The following CCDC158 variants were observed in gnomAD, a reference collection of about 807,000 sequenced individuals.
CCDC158 encodes coiled-coil domain containing 158.
In CCDC158, 116 loss-of-function variants were observed where a neutral mutation model predicts 138.6. The observed-to-expected ratio is 0.84, with a 90% CI of 0.72 to 0.98. CCDC158 has a LOEUF of 0.98. Ranked by LOEUF, CCDC158 falls within the 50% of genes least tolerant of loss-of-function variation. CCDC158 has a pLI of 0.00. For missense variants in CCDC158, 1,265 were observed against 1,306.1 expected (o/e 0.97, Z 0.48); for synonymous variants, 436 against 442.4 (o/e 0.99, Z 0.18).
At position 76,367,693 on chromosome 4, in the gene CCDC158, C is replaced by T. The variant is rs1244023863; in HGVS notation, c.1431G>A (p.Leu477=). 4 of 1,614,126 alleles carry T rather than the reference C, an allele frequency of 2.5e-6. No homozygotes were observed. The highest frequency in any genetic ancestry group is 1.1e-5 in the South Asian group (1 of 91,090). ...TAQLESTKEM[L]RKVVEELTAK... is the part of the protein sequence containing the mutation. ...CTGTCAACTCTTCTACTACTTTGCG[C>T]AGCATCTCTTTGGTGGATTCAAGCT... is the stretch of plus-strand genomic sequence containing the variant. Residue 477 remains leucine (L), a synonymous_variant, in exon 12 of 25, where the codon CTG becomes CTA. Transcript: ENST00000682701.
At chr4:76,351,293 A>G (rs1723015460) in intron 17 of CCDC158, among the ~76,000 whole-genome samples, 172 bp from the exon 18 acceptor site, 1 of 139,306 alleles carries the variant, frequency 7.2e-6, no homozygotes, top group African/African-American at 2.5e-5. Flanking sequence ...TCAGTGTAAA[A>G]TGTACGATTT....
At chr4:76,343,763 T>C (rs570149600) in intron 18 of CCDC158, among the ~76,000 whole-genome samples, 3 of 152,086 alleles carry the variant, frequency 2.0e-5, no homozygotes, top group Non-Finnish European at 4.4e-5. Context: ...ATCATGCAAC[T>C]GCACTCCAGC....
chr4:76,414,389 A>G (rs1006986654), intron 1 of CCDC158: 1 of 152,220 alleles, frequency 6.6e-6, no homozygotes, highest in African/African-American at 2.4e-5. Context: ...ATCAAGACCA[A>G]TCAAGTTTCC....
chr4:76,333,735 T>C (rs779889048), intron 19 of CCDC158, among the ~76,000 whole-genome samples: 2 of 152,216 alleles, frequency 1.3e-5, no homozygotes, highest in Admixed American at 1.3e-4. Flanking sequence ...ATTATGGATA[T>C]AAAATCTTTT....
intron 16 of CCDC158, 151 bp downstream of exon 16, chr4:76,352,972 G>A (rs1008449770): frequency 5.0e-6 from 3 of 605,576 alleles, no homozygotes; most frequent in African/African-American, 3.9e-5. Flanking sequence ...TTCTCTAATA[G>A]GATAGGGTTT....
Position 76,351,008 on chromosome 4 carries a change from GC to G in CCDC158, c.2651del (p.Ser884ThrfsTer13). ...ACTGGTTACTTACATGAGACAGGAA[GC>G]TGGCTGTAGACTGCGAAGATGGTAC... ...SNVPSSQSTA[S>X]FLSHHSTKAN... is the part of the protein sequence containing the mutation. On this transcript the variant is annotated frameshift_variant, in exon 18 of 25. Coordinates refer to ENST00000682701, the MANE Select transcript of CCDC158 (RefSeq NM_001394954.1). LOFTEE classifies it high-confidence loss of function. The G allele has an allele frequency of 1.9e-6, 3 of 1,613,616 alleles. No individual in the cohort carries two copies. In the African/African-American group the frequency reaches 4.0e-5, roughly 22 times the overall value.
intron 4 of CCDC158, among the ~76,000 whole-genome samples, chr4:76,388,311 G>A (rs763885163): frequency 2.6e-4 from 40 of 152,166 alleles, no homozygotes; most frequent in Admixed American, 1.3e-3. Flanking sequence ...ATTGGGACCT[G>A]GGCAGGGCAG....
intron 10 of CCDC158, 21 bp from the exon 11 acceptor site, chr4:76,369,644 T>C (rs1339010817): frequency 1.9e-6 from 3 of 1,586,320 alleles, no homozygotes; most frequent in Non-Finnish European, 2.6e-6. Flanking sequence ...AGAGGAATGC[T>C]TTTTTCCTCC....
chr4:76,417,032 A>G (rs1729753716), intron 1 of CCDC158, among the ~76,000 whole-genome samples: 1 of 152,154 alleles, frequency 6.6e-6, no homozygotes, highest in Non-Finnish European at 1.5e-5. Flanking sequence ...AGCCCATGAA[A>G]GCATCTGGGA....
intron 24 of CCDC158, among the ~76,000 whole-genome samples, chr4:76,313,617 TGTAAAA>T (rs1334839310): frequency 6.6e-6 from 1 of 152,134 alleles, no homozygotes; most frequent in Non-Finnish European, 1.5e-5. Context: ...GCATGATAAT[TGTAAAA>T]GTAATACTAA....
chr4:76,326,907 C>A (rs1253987678), intron 22 of CCDC158, among the ~76,000 whole-genome samples: 1 of 151,824 alleles, frequency 6.6e-6, no homozygotes, highest in African/African-American at 2.4e-5. Context: ...TAAAATGATA[C>A]CAGAAAGTTA....
At chr4:76,313,301 T>C in intron 24 of CCDC158, 55 bp from the exon 25 acceptor site, 1 of 988,208 alleles carries the variant, frequency 1.0e-6, no homozygotes, top group South Asian at 1.5e-5. Flanking sequence ...GCTTTAATTC[T>C]ACTATGTGCT....
intron 9 of CCDC158, among the ~76,000 whole-genome samples, chr4:76,376,957 G>C (rs181376277): frequency 1.1e-3 from 162 of 152,274 alleles, no homozygotes; most frequent in Non-Finnish European, 2.1e-3. Flanking sequence ...ATAAGAGAAT[G>C]ATTCTAATAT....
chr4:76,377,726 C>G (rs963070647), intron 9 of CCDC158, among the ~76,000 whole-genome samples: 1 of 152,080 alleles, frequency 6.6e-6, no homozygotes. Context: ...TTGAGTGTAC[C>G]CTTTAAGCAG....
chr4:76,369,130 G>A (rs1052852709), intron 11 of CCDC158, among the ~76,000 whole-genome samples: 1 of 152,148 alleles, frequency 6.6e-6, no homozygotes, highest in Non-Finnish European at 1.5e-5. Flanking sequence ...TAGGAGAATT[G>A]CTTGAATCCG....
chr4:76,354,097 T>C (rs1455173153), intron 15 of CCDC158, among the ~76,000 whole-genome samples: 1 of 151,756 alleles, frequency 6.6e-6, no homozygotes, highest in Admixed American at 6.6e-5. Flanking sequence ...TCCTTTTTGT[T>C]TGGAGGGAAT....
At chr4:76,358,977 A>C (rs1377463210) in intron 13 of CCDC158, among the ~76,000 whole-genome samples, 1 of 152,234 alleles carries the variant, frequency 6.6e-6, no homozygotes, top group Middle Eastern at 3.4e-3. Context: ...TTAGTGTTGG[A>C]GGAGGGGCTT....
At chr4:76,355,217 G>T in intron 15 of CCDC158, 107 bp downstream of exon 15, 1 of 734,386 alleles carries the variant, frequency 1.4e-6, no homozygotes, top group Non-Finnish European at 2.4e-6. Context: ...CTAGAAATAA[G>T]CTTTCCTTTT....
intron 23 of CCDC158, 112 bp from the exon 24 acceptor site, chr4:76,323,521 TC>T (rs1173660466): frequency 2.8e-6 from 2 of 716,218 alleles, no homozygotes; most frequent in East Asian, 5.3e-5. Context: ...GAACTTTTTT[TC>T]ATGACAAATT....
Sources: allele counts gnomAD v4.1 joint callset (sites outside exome capture counted in the v4.1 genomes callset), GRCh38; gene constraint gnomAD v4.1.1; transcripts MANE v1.5; gene names NCBI Gene and HGNC (gene_info 2026-07-23, HGNC 2026-07-21).